DESI2: variants seen among roughly 807,000 people sequenced by gnomAD.
DESI2 encodes deubiquitinase DESI2.
In DESI2, 10 loss-of-function variants were observed where a neutral mutation model predicts 24.1. The ratio of observed to expected loss-of-function variants is 0.41; its 90% CI spans 0.26 to 0.70. The LOEUF is 0.70. DESI2 is among the 30% of genes least tolerant of loss of function. The pLI, the probability that DESI2 is intolerant of heterozygous loss-of-function variation, is 0.29. For missense variants in DESI2, 122 were observed against 234.9 expected (o/e 0.52, Z 3.14); for synonymous variants, 71 against 87.7 (o/e 0.81, Z 1.06).
At chr1:244,683,649 C>G (rs1050136750) in intron 1 of DESI2, among the ~76,000 whole-genome samples, 1 of 151,974 alleles carries the variant, frequency 6.6e-6, no homozygotes. Context: ...TTTTGTTTCC[C>G]TAACAAATAT....
At chr1:244,683,397 C>T (rs1018763280) in intron 1 of DESI2, among the ~76,000 whole-genome samples, 15 of 151,232 alleles carry the variant, frequency 9.9e-5, no homozygotes, top group East Asian at 3.9e-4. Flanking sequence ...CTGCAAGCTC[C>T]GCCTCCCAGG....
In DESI2 at chr1:244,701,567, T is replaced by C. The variant is rs1037125591; in HGVS notation, c.352-3989T>C. Reference sequence around the variant, plus strand: ...CTCCAGATGGCAGAGCCAAGGGCCATAGAAGATTATTCCCAGGCCTTGAAA... The same window carrying C: ...CTCCAGATGGCAGAGCCAAGGGCCACAGAAGATTATTCCCAGGCCTTGAAA... On this transcript the variant is annotated intron_variant, in intron 4 of 4. Transcript: ENST00000302550. 3.3e-5 allele frequency among the ~76,000 whole-genome samples: 5 copies of C among 152,314 alleles called. No homozygotes were observed. In the East Asian group the frequency reaches 9.6e-4, roughly 29 times the overall value.
chr1:244,699,475 G>A (rs1383178873), intron 4 of DESI2, among the ~76,000 whole-genome samples: 1 of 150,072 alleles, frequency 6.7e-6, no homozygotes, highest in Non-Finnish European at 1.5e-5. Context: ...CCAGCTACTC[G>A]GGAGGCTGAG....
At position 244,683,547 on chromosome 1, in the gene DESI2, G is replaced by A. The variant is rs557314396; in HGVS notation, c.43-3050G>A. Among the ~76,000 whole-genome samples, 24 of 152,258 alleles carry A rather than the reference G, an allele frequency of 1.6e-4. No individual in the cohort carries two copies. In the South Asian group the frequency reaches 3.5e-3, roughly 22 times the overall value. The stretch of plus-strand genomic sequence containing the variant: ...AGGGTGGTCTTGATCTCCTGACCTT[G>A]TGATCCGCCCACCTCAGCCTCCCAA... On this transcript the variant is annotated intron_variant, in intron 1 of 4. Transcript: ENST00000302550.
At chr1:244,672,682 G>T (rs543136797) in intron 1 of DESI2, among the ~76,000 whole-genome samples, 8 of 152,190 alleles carry the variant, frequency 5.3e-5, no homozygotes, top group South Asian at 2.1e-4. Context: ...TCCGAGACCA[G>T]CCTGGACAAC....
Position 244,653,191 on chromosome 1 carries a change from G to C in DESI2, c.-123G>C, listed in dbSNP as rs933867731. On this transcript the variant is annotated 5_prime_UTR_variant, in exon 1 of 5. Coordinates refer to ENST00000302550, the MANE Select transcript of DESI2 (RefSeq NM_016076.5). Reference sequence around the variant, plus strand: ...CCGATGCTTCCGCCCCGGCTGCCGCGGGCCGGGCTGTACGCTTAGTGCCCG... The same window carrying C: ...CCGATGCTTCCGCCCCGGCTGCCGCCGGCCGGGCTGTACGCTTAGTGCCCG... 1.8e-4 allele frequency: 187 copies of C among 1,012,580 alleles called. 1 individual carries two copies. The Middle Eastern group carries it at 3.9e-3, about 21-fold the overall frequency. The allele number at this position is 1,012,580 out of a possible 1,614,324, so 62.7% of individuals were successfully genotyped here.
chr1:244,690,564 G>T (rs1444939854), intron 3 of DESI2, among the ~76,000 whole-genome samples: 2 of 151,988 alleles, frequency 1.3e-5, no homozygotes, highest in African/African-American at 2.4e-5. Flanking sequence ...AATTAGCCAG[G>T]CATGGTGGTA....
In DESI2 at chr1:244,696,911, T is replaced by C. The variant is rs994128772; in HGVS notation, c.351+4891T>C. Reference sequence around the variant, plus strand: ...GGACGCCTGCATGACCAGCCCCCAATAGAAGTCTCGGGTTCTGAGTCTGTA... The same window carrying C: ...GGACGCCTGCATGACCAGCCCCCAACAGAAGTCTCGGGTTCTGAGTCTGTA... On this transcript the variant is annotated intron_variant, in intron 4 of 4. Coordinates refer to ENST00000302550, the MANE Select transcript of DESI2 (RefSeq NM_016076.5). 2.0e-5 allele frequency among the ~76,000 whole-genome samples: 3 copies of C among 152,154 alleles called. No homozygotes were observed. The East Asian group carries it at 5.8e-4, about 29-fold the overall frequency.
intron 4 of DESI2, among the ~76,000 whole-genome samples, chr1:244,704,085 TAG>T (rs1160772883): frequency 6.6e-6 from 1 of 152,188 alleles, no homozygotes; most frequent in Non-Finnish European, 1.5e-5. Context: ...ATAGTTAAGA[TAG>T]AGACATACTA....
chr1:244,688,142 A>G lies in DESI2; in HGVS notation c.116-1107A>G, dbSNP rs112981602. On this transcript the variant is annotated intron_variant, in intron 2 of 4. Coordinates refer to ENST00000302550, the MANE Select transcript of DESI2 (RefSeq NM_016076.5). ...TAGAAACATGTTTCAAAACATGTTC[A>G]TGTAAATTTAGTAAAGCTAGAATCA... 3.6e-3 allele frequency among the ~76,000 whole-genome samples: 555 copies of G among 152,354 alleles called. 2 individuals are homozygous for G. Among genetic ancestry groups the G allele is most frequent in the African/African-American group, 0.013 (530 of 41,586 alleles).
intron 1 of DESI2, among the ~76,000 whole-genome samples, chr1:244,655,675 G>A (rs1414651323): frequency 6.6e-6 from 1 of 152,194 alleles, no homozygotes; most frequent in Non-Finnish European, 1.5e-5. Context: ...TAGGATCAGG[G>A]AATGCTGAAA....
chr1:244,653,735 G>T (rs1431689107), intron 1 of DESI2: 1 of 349,982 alleles, frequency 2.9e-6, no homozygotes, highest in African/African-American at 2.2e-5. Context: ...CCCCCGTCCC[G>T]ACCGCCTGCG....
rs868549900 is a variant in DESI2, at chr1:244,686,674, G to A, written c.115+5G>A. On this transcript the variant is annotated splice_donor_5th_base_variant and intron_variant, in intron 2 of 4. Coordinates refer to ENST00000302550, the MANE Select transcript of DESI2 (RefSeq NM_016076.5). ...GAATTGAAGTCTATGGCAGAGGTAC[G>A]TGTACACACAGTCTAAATATACTCT... 3.8e-6 allele frequency: 6 copies of A among 1,573,928 alleles called. No homozygotes were observed. Among genetic ancestry groups the A allele is most frequent in the South Asian group, 2.2e-5 (2 of 90,284 alleles).
chr1:244,698,788 C>T (rs886130904), intron 4 of DESI2, among the ~76,000 whole-genome samples: 3 of 152,176 alleles, frequency 2.0e-5, no homozygotes, highest in African/African-American at 4.8e-5. Flanking sequence ...GATGGAACTA[C>T]GTGGATTATC....
intron 1 of DESI2, among the ~76,000 whole-genome samples, chr1:244,661,417 TTTA>T (rs985295090): frequency 5.3e-5 from 8 of 152,184 alleles, no homozygotes; most frequent in Non-Finnish European, 1.0e-4. Context: ...TTTCTTTTTT[TTTA>T]TTATTATACT....
chr1:244,695,884 C>A (rs532636664), intron 4 of DESI2, among the ~76,000 whole-genome samples: 1 of 152,294 alleles, frequency 6.6e-6, no homozygotes, highest in South Asian at 2.1e-4. Context: ...AGTGAGCCTC[C>A]TGCCTCAGCC....
chr1:244,682,497 CCTAT>C (rs757096127), intron 1 of DESI2, among the ~76,000 whole-genome samples: 5 of 152,286 alleles, frequency 3.3e-5, no homozygotes, highest in Non-Finnish European at 5.9e-5. Flanking sequence ...CAGGAAGTCT[CCTAT>C]CTCTTTCCCT....
intron 4 of DESI2, among the ~76,000 whole-genome samples, chr1:244,696,714 G>A (rs918630932): frequency 2.0e-5 from 3 of 152,174 alleles, no homozygotes; most frequent in Non-Finnish European, 2.9e-5. Flanking sequence ...CCTTAGAAAG[G>A]CCTGCCTGCA....
chr1:244,688,408 G>T (rs1676896643), intron 2 of DESI2, among the ~76,000 whole-genome samples: 1 of 152,102 alleles, frequency 6.6e-6, no homozygotes, highest in Non-Finnish European at 1.5e-5. Context: ...TGAATTAAAA[G>T]TAAATTTAGT....
Sources: allele counts gnomAD v4.1 joint callset (sites outside exome capture counted in the v4.1 genomes callset), GRCh38; gene constraint gnomAD v4.1.1; transcripts MANE v1.5; gene names NCBI Gene and HGNC (gene_info 2026-07-23, HGNC 2026-07-21).